Variants in PCDH11X observed in about 807,000 individuals in gnomAD.
The protein encoded by PCDH11X is protocadherin 11 X-linked.
Under a neutral mutation model 53.3 loss-of-function variants are expected in PCDH11X, and 18 were observed. That is an observed-to-expected ratio of 0.34 (90% confidence interval 0.23 to 0.50). PCDH11X has a LOEUF of 0.50. PCDH11X is among the 20% of genes least tolerant of loss of function. The probability of loss-of-function intolerance (pLI) is 0.98; values close to 1 mark genes in which losing one functional copy is unlikely to be tolerated. For missense variants in PCDH11X, 570 were observed against 1,032.4 expected (o/e 0.55, Z 6.14); for synonymous variants, 279 against 393.3 (o/e 0.71, Z 3.44).
chrX:92,043,344 T>C (rs140497531), intron 6 of PCDH11X, among the ~76,000 whole-genome samples: 2,043 of 110,113 alleles, frequency 0.019, 43 homozygotes, highest in African/African-American at 0.064. Flanking sequence ...ATGTGGAGGA[T>C]TGGGCTATAA....
At chrX:92,149,471 GTA>G (rs200040823) in intron 6 of PCDH11X, among the ~76,000 whole-genome samples, 5,830 of 96,937 alleles carry the variant, frequency 0.06, 475 homozygotes, top group African/African-American at 0.2. Flanking sequence ...GTGTGTGTGT[GTA>G]TATATGTGTG....
chrX:92,431,434 G>T (rs1458188147), intron 9 of PCDH11X, among the ~76,000 whole-genome samples: 2 of 110,495 alleles, frequency 1.8e-5, no homozygotes, highest in African/African-American at 3.3e-5. Flanking sequence ...ACTTAAAATA[G>T]AACTCAATTT....
chrX:92,414,765 C>T (rs1199670716), intron 9 of PCDH11X, among the ~76,000 whole-genome samples: 2 of 111,385 alleles, frequency 1.8e-5, no homozygotes, highest in Non-Finnish European at 3.8e-5. Flanking sequence ...CTTTCCAAGA[C>T]CATCAGTCAT....
intron 6 of PCDH11X, among the ~76,000 whole-genome samples, chrX:91,921,322 C>T (rs1330707667): frequency 9.0e-6 from 1 of 110,702 alleles, no homozygotes; most frequent in Non-Finnish European, 1.9e-5. Context: ...CAATATCACC[C>T]AAAGTCCATA....
intron 4 of PCDH11X, chrX:91,835,197 A>G (rs1234015906): frequency 6.5e-6 from 5 of 764,134 alleles, no homozygotes; most frequent in Non-Finnish European, 8.8e-6. Flanking sequence ...TCTTTTATAT[A>G]TTTATCAATG....
chrX:92,091,683 CTGGTTGACAAT>C (rs1335674559), intron 6 of PCDH11X, among the ~76,000 whole-genome samples: 1 of 111,491 alleles, frequency 9.0e-6, no homozygotes, highest in Non-Finnish European at 1.9e-5. Flanking sequence ...GAAACATTTT[CTGGTTGACAAT>C]TGGCTGAGTT....
At chrX:92,390,584 T>G (rs1456705604) in intron 9 of PCDH11X, among the ~76,000 whole-genome samples, 2 of 107,073 alleles carry the variant, frequency 1.9e-5, no homozygotes, top group Admixed American at 2.0e-4. Flanking sequence ...GTGCAGTGTT[T>G]GTCAATAGCA....
intron 10 of PCDH11X, among the ~76,000 whole-genome samples, chrX:92,615,057 C>T (rs567824843): frequency 2.7e-5 from 3 of 111,353 alleles, no homozygotes; most frequent in South Asian, 3.8e-4. Context: ...CCAACAAGGG[C>T]GGGGTTGCTC....
chrX:92,454,327 C>T (rs2072866817), intron 9 of PCDH11X, among the ~76,000 whole-genome samples: 1 of 107,469 alleles, frequency 9.3e-6, no homozygotes, highest in Admixed American at 1.0e-4. Context: ...AAAATAAGTG[C>T]TAAGTCGGGT....
At chrX:92,612,249 G>A (rs1400945145) in intron 10 of PCDH11X, among the ~76,000 whole-genome samples, 1 of 110,804 alleles carries the variant, frequency 9.0e-6, no homozygotes, top group Admixed American at 9.6e-5. Flanking sequence ...TTGTTTGGTA[G>A]TTTTTAAAAT....
rs1406126318 is a variant in PCDH11X, at chrX:91,972,373, G to T, written c.3033+93100G>T. Among the ~76,000 whole-genome samples the T allele has an allele frequency of 2.5e-4, 21 of 85,084 alleles. No individual in the cohort carries two copies. The East Asian group carries it at 6.4e-3, about 26-fold the overall frequency. The allele number at this position is 85,084 out of a possible 115,157, so 73.9% of individuals were successfully genotyped here. A position where few individuals can be genotyped will look rare whatever the true frequency, so the allele number is the denominator to read the frequency against. On this transcript the variant is annotated intron_variant, in intron 6 of 10. Coordinates refer to ENST00000682573, the MANE Select transcript of PCDH11X (RefSeq NM_032968.5). ...GCCCTTTGTCAGATGAGTAGGTTGC[G>T]AAAATTTTCTCCCATTTTGTAGGTT... is the stretch of plus-strand genomic sequence containing the variant.
chrX:92,013,567 A>G (rs1321490272), intron 6 of PCDH11X, among the ~76,000 whole-genome samples: 1 of 112,014 alleles, frequency 8.9e-6, no homozygotes, highest in Non-Finnish European at 1.9e-5. Context: ...AAGAGCCTGC[A>G]TTGACAAGTC....
chrX:91,883,038 T>C, intron 6 of PCDH11X: 1 of 1,091,955 alleles, frequency 9.2e-7, no homozygotes, highest in East Asian at 3.4e-5. Flanking sequence ...ATTAATTTTG[T>C]AATCTAGATT....
At chrX:91,914,873 C>A (rs1941500366) in intron 6 of PCDH11X, among the ~76,000 whole-genome samples, 1 of 111,243 alleles carries the variant, frequency 9.0e-6, no homozygotes, top group South Asian at 3.8e-4. Context: ...GTCTAGACAT[C>A]CAAATACAAG....
chrX:92,409,702 A>T (rs1198767885), intron 9 of PCDH11X, among the ~76,000 whole-genome samples: 1 of 112,146 alleles, frequency 8.9e-6, no homozygotes, highest in Non-Finnish European at 1.9e-5. Flanking sequence ...CATGCTTTTG[A>T]CTTATTGGGT....
chrX:92,483,218 T>G (rs1394877757), intron 10 of PCDH11X, among the ~76,000 whole-genome samples: 3 of 111,545 alleles, frequency 2.7e-5, no homozygotes, highest in Non-Finnish European at 5.6e-5. Context: ...TTTACAAAAG[T>G]GATGCAATGA....
intron 6 of PCDH11X, among the ~76,000 whole-genome samples, chrX:91,892,054 A>G (rs1474031014): frequency 9.8e-6 from 1 of 101,921 alleles, no homozygotes; most frequent in African/African-American, 3.5e-5. Context: ...TGTTAGAGAG[A>G]GAGAGAGAAT....
At chrX:91,880,824 G>T (rs1165897669) in intron 6 of PCDH11X, among the ~76,000 whole-genome samples, 4 of 109,942 alleles carry the variant, frequency 3.6e-5, no homozygotes, top group Non-Finnish European at 1.9e-5. Context: ...GTGTGTTTTT[G>T]TTTATATTTA....
chrX:92,074,022 A>G (rs1325005108), intron 6 of PCDH11X, among the ~76,000 whole-genome samples: 6 of 111,847 alleles, frequency 5.4e-5, no homozygotes, highest in African/African-American at 1.3e-4. Context: ...CTTATGATGA[A>G]TCATTTACAC....
Sources: gnomAD v4.1 joint callset for allele counts (sites outside exome capture counted in the v4.1 genomes callset) on GRCh38, gnomAD v4.1.1 for gene constraint, MANE v1.5 for transcripts, NCBI Gene and HGNC (gene_info 2026-07-23, HGNC 2026-07-21) for gene names.